The following ROBO1 variants were observed in gnomAD, a reference collection of about 807,000 sequenced individuals.
The protein encoded by ROBO1 is roundabout guidance receptor 1.
ROBO1 carries 149 observed loss-of-function variants against 195.9 expected under a neutral mutation model. The observed-to-expected ratio is 0.76, with a 90% CI of 0.67 to 0.87. ROBO1 has a LOEUF of 0.87. ROBO1 is among the 40% of genes least tolerant of loss of function. The pLI is 0.00. For synonymous variants in ROBO1, 816 were observed against 733.2 expected, an observed-to-expected ratio of 1.11 and a Z score of -1.82; for missense variants, 1,933 against 2,068.3, an observed-to-expected ratio of 0.93 and a Z score of 1.27.
intron 2 of ROBO1, among the ~76,000 whole-genome samples, chr3:79,351,191 A>G (rs1348158753): frequency 6.6e-6 from 1 of 152,186 alleles, no homozygotes; most frequent in African/African-American, 2.4e-5. Flanking sequence ...ATGACTAAAT[A>G]AAAAATTTGG....
At chr3:79,724,732 C>T (rs778685222) in intron 1 of ROBO1, among the ~76,000 whole-genome samples, 3 of 152,108 alleles carry the variant, frequency 2.0e-5, no homozygotes, top group Non-Finnish European at 4.4e-5. Flanking sequence ...GAAACAGTGT[C>T]CCAGCAAATC....
At chr3:78,771,188 C>CAAAG (rs2083365957) in intron 4 of ROBO1, among the ~76,000 whole-genome samples, 2 of 152,058 alleles carry the variant, frequency 1.3e-5, no homozygotes, top group African/African-American at 4.8e-5. Context: ...TCAACTTTGT[C>CAAAG]AAAGATTAGA....
At chr3:79,408,796 CTTTT>C (rs1413848394) in intron 2 of ROBO1, among the ~76,000 whole-genome samples, 1 of 152,012 alleles carries the variant, frequency 6.6e-6, no homozygotes, top group Non-Finnish European at 1.5e-5. Context: ...TATAGACTTT[CTTTT>C]TTCAATAACA....
At chr3:78,871,676 T>A (rs2035553810) in intron 4 of ROBO1, among the ~76,000 whole-genome samples, 1 of 149,116 alleles carries the variant, frequency 6.7e-6, no homozygotes, top group Non-Finnish European at 1.5e-5. Context: ...AATTTTTGAA[T>A]CTACTGTCCT....
intron 2 of ROBO1, among the ~76,000 whole-genome samples, chr3:79,361,806 G>A (rs1478527478): frequency 6.6e-6 from 1 of 151,996 alleles, no homozygotes; most frequent in African/African-American, 2.4e-5. Flanking sequence ...TTTATTCAAT[G>A]TAACCTCCCT....
intron 2 of ROBO1, among the ~76,000 whole-genome samples, chr3:79,498,497 C>T (rs998233842): frequency 6.6e-6 from 1 of 151,980 alleles, no homozygotes; most frequent in Non-Finnish European, 1.5e-5. Context: ...TTCTGTAATT[C>T]GACAGTATAC....
chr3:78,753,127 G>A (rs1329469208), intron 4 of ROBO1, among the ~76,000 whole-genome samples: 1 of 151,930 alleles, frequency 6.6e-6, no homozygotes, highest in African/African-American at 2.4e-5. Context: ...ATGAACACAA[G>A]GCATTGCAGA....
intron 4 of ROBO1, among the ~76,000 whole-genome samples, chr3:78,755,655 G>A (rs2082911061): frequency 1.3e-5 from 2 of 152,106 alleles, no homozygotes; most frequent in Admixed American, 6.6e-5. Flanking sequence ...GGCTGAAGTT[G>A]ACAGAGAAAG....
intron 2 of ROBO1, among the ~76,000 whole-genome samples, chr3:79,484,813 G>A (rs1559932623): frequency 8.1e-6 from 1 of 123,878 alleles, no homozygotes; most frequent in Non-Finnish European, 1.6e-5. Flanking sequence ...GAGTGCAGTG[G>A]CATGATCTCG....
intron 3 of ROBO1, 138 bp downstream of exon 3, chr3:79,125,318 T>A (rs2080194665): frequency 1.4e-6 from 1 of 697,364 alleles, no homozygotes; most frequent in Non-Finnish European, 2.6e-6. Flanking sequence ...ATGAACAGAA[T>A]GAAGTTTGAA....
At chr3:79,579,280 T>G (rs545084288) in intron 2 of ROBO1, among the ~76,000 whole-genome samples, 6 of 152,304 alleles carry the variant, frequency 3.9e-5, no homozygotes, top group Non-Finnish European at 7.4e-5. Context: ...TTATTGTTAT[T>G]TGAAGCTTAG....
chr3:79,563,786 C>A (rs1201880271), intron 2 of ROBO1, among the ~76,000 whole-genome samples: 1 of 151,998 alleles, frequency 6.6e-6, no homozygotes, highest in Non-Finnish European at 1.5e-5. Context: ...TGAGGTAAAT[C>A]TATTTAATGC....
chr3:79,614,840 T>C (rs189921547), intron 1 of ROBO1, among the ~76,000 whole-genome samples: 1 of 151,972 alleles, frequency 6.6e-6, no homozygotes, highest in African/African-American at 2.4e-5. Flanking sequence ...AAATAAAGAG[T>C]CTTATTTGGA....
At chr3:79,133,851 G>C (rs2080341983) in intron 2 of ROBO1, among the ~76,000 whole-genome samples, 1 of 148,604 alleles carries the variant, frequency 6.7e-6, no homozygotes, top group Admixed American at 6.8e-5. Flanking sequence ...GTGATGTACA[G>C]ATGGGTTTTC....
At chr3:79,017,334 T>C (rs1302516476) in intron 3 of ROBO1, among the ~76,000 whole-genome samples, 1 of 152,042 alleles carries the variant, frequency 6.6e-6, no homozygotes, top group African/African-American at 2.4e-5. Context: ...CCACAAAAGC[T>C]CAAACTAACC....
At chr3:79,118,788 C>T (rs1380031691) in intron 3 of ROBO1, among the ~76,000 whole-genome samples, 1 of 151,394 alleles carries the variant, frequency 6.6e-6, no homozygotes, top group Non-Finnish European at 1.5e-5. Flanking sequence ...TTGCTTGAAC[C>T]CGGGAGGTGG....
chr3:79,170,616 A>T (rs1026771293), intron 2 of ROBO1, among the ~76,000 whole-genome samples: 6 of 152,122 alleles, frequency 3.9e-5, no homozygotes, highest in African/African-American at 1.4e-4. Context: ...AATTTTTGTA[A>T]ATTTGCTGTA....
intron 3 of ROBO1, among the ~76,000 whole-genome samples, chr3:78,946,787 G>T (rs1042405664): frequency 6.6e-6 from 1 of 152,102 alleles, no homozygotes; most frequent in African/African-American, 2.4e-5. Context: ...CATCTCACGT[G>T]CAGAGACACA....
intron 3 of ROBO1, among the ~76,000 whole-genome samples, chr3:79,071,977 C>T (rs948193874): frequency 7.2e-5 from 11 of 151,858 alleles, no homozygotes; most frequent in Non-Finnish European, 1.5e-4. Context: ...TGCTCACTCT[C>T]TCAATCTTGG....
Sources: gnomAD v4.1 joint callset for allele counts (sites outside exome capture counted in the v4.1 genomes callset) on GRCh38, gnomAD v4.1.1 for gene constraint, MANE v1.5 for transcripts, NCBI Gene and HGNC (gene_info 2026-07-23, HGNC 2026-07-21) for gene names.